ADA: variants seen among roughly 807,000 people sequenced by gnomAD.
ADA encodes adenosine deaminase, also known as adenosine aminohydrolase.
In ADA, 45 loss-of-function variants were observed where a neutral mutation model predicts 49.0. The observed-to-expected ratio is 0.92, with a 90% confidence interval of 0.72 to 1.18. The LOEUF (loss-of-function observed/expected upper bound fraction) is 1.18, where lower values mean the gene tolerates loss of function less well. ADA is among the 50% of genes most tolerant of loss of function. The probability of loss-of-function intolerance (pLI) is 0.00; values close to 1 mark genes in which losing one functional copy is unlikely to be tolerated. For missense variants in ADA, 445 were observed against 472.5 expected (o/e 0.94, Z 0.54); for synonymous variants, 173 against 184.2 (o/e 0.94, Z 0.49).
At chr20:44,633,009 C>A (rs1379941344) in intron 2 of ADA, among the ~76,000 whole-genome samples, 2 of 152,208 alleles carry the variant, frequency 1.3e-5, no homozygotes, top group East Asian at 3.8e-4. Flanking sequence ...TTAGATGATC[C>A]CTACTCCCTG....
Position 44,629,086 on chromosome 20 carries a change from T to G in ADA, c.179A>C (p.Asp60Ala), listed in dbSNP as rs760262095. 1.2e-6 allele frequency: 2 copies of G among 1,614,176 alleles called. No individual in the cohort carries two copies. Among genetic ancestry groups the G allele is most frequent in the South Asian group, 2.2e-5 (2 of 91,082 alleles). ...GTAGTAGTCAAACTTGGCCAGGAAGTCTGGAAGGGTGAGCGGCTTGTCCAT... is the reference window on the plus strand; with the variant it reads ...GTAGTAGTCAAACTTGGCCAGGAAGGCTGGAAGGGTGAGCGGCTTGTCCAT... ...IGMDKPLTLP[D>A]FLAKFDYYMP... Residue 60 changes from aspartate to alanine, a missense_variant, in exon 3 of 12, where the codon GAC becomes GCC. Coordinates refer to ENST00000372874, the MANE Select transcript of ADA (RefSeq NM_000022.4).
At chr20:44,631,819 G>A (rs1488604324) in intron 2 of ADA, among the ~76,000 whole-genome samples, 1 of 152,148 alleles carries the variant, frequency 6.6e-6, no homozygotes, top group Non-Finnish European at 1.5e-5. Flanking sequence ...GATGTGCTGG[G>A]CACTGGGCAG....
intron 1 of ADA, among the ~76,000 whole-genome samples, chr20:44,641,980 C>A (rs1048982637): frequency 1.1e-4 from 17 of 152,160 alleles, no homozygotes; most frequent in Middle Eastern, 3.4e-3. Flanking sequence ...GTTGGCCAGG[C>A]TGGTTTTGAA....
intron 1 of ADA, among the ~76,000 whole-genome samples, chr20:44,642,751 C>G (rs406383): frequency 0.18 from 27,737 of 152,010 alleles, 3,173 homozygotes; most frequent in Admixed American, 0.29. Context: ...CCAGCTACTG[C>G]GGGAGGGAAG....
At chr20:44,632,070 C>G (rs1005265388) in intron 2 of ADA, among the ~76,000 whole-genome samples, 4 of 152,182 alleles carry the variant, frequency 2.6e-5, no homozygotes, top group African/African-American at 9.7e-5. Flanking sequence ...TCTTCTCCAG[C>G]CTCCCTCCTC....
rs1315663695 is a variant in ADA at position 44,645,061 on chromosome 20, T to G, written c.33+6514A>C. ...AGCAGCACGCTCCCTGCATGCCACATAGCAAGGTGCTGGGTCACTGATGCT... is the reference window on the plus strand; with the variant it reads ...AGCAGCACGCTCCCTGCATGCCACAGAGCAAGGTGCTGGGTCACTGATGCT... On this transcript the variant is annotated intron_variant, in intron 1 of 11. Coordinates refer to ENST00000372874, the MANE Select transcript of ADA (RefSeq NM_000022.4). 2.0e-5 allele frequency among the ~76,000 whole-genome samples: 3 copies of G among 152,258 alleles called. No individual in the cohort carries two copies. In the East Asian group the frequency reaches 5.8e-4, roughly 29 times the overall value.
chr20:44,651,140 C>T (rs1216401400), intron 1 of ADA, among the ~76,000 whole-genome samples: 1 of 152,204 alleles, frequency 6.6e-6, no homozygotes, highest in South Asian at 2.1e-4. Context: ...GCGCTCACCA[C>T]CATAACGCTG....
intron 2 of ADA, among the ~76,000 whole-genome samples, chr20:44,634,248 G>C (rs1331526772): frequency 6.6e-6 from 1 of 152,248 alleles, no homozygotes; most frequent in Non-Finnish European, 1.5e-5. Flanking sequence ...TTGGCGGCTT[G>C]ACATGGGCAA....
At position 44,625,686 on chromosome 20, in the gene ADA, T is replaced by C. The variant is rs2145318314; in HGVS notation, c.363-2A>G. 6.4e-7 allele frequency: 1 copy of C among 1,557,384 alleles called. No individual in the cohort carries two copies. The highest frequency in any genetic ancestry group is 1.2e-5 in the South Asian group (1 of 84,518). ...ACCTCGTCTGGGGTGAGGTCCCCTC[T>C]GTGTGAGGAGAGGAGTAGGGATGGG... On this transcript the variant is annotated splice_acceptor_variant, in intron 4 of 11. Transcript: ENST00000372874. LOFTEE classifies it high-confidence loss of function.
intron 1 of ADA, among the ~76,000 whole-genome samples, chr20:44,640,065 G>C (rs1281381698): frequency 6.6e-6 from 1 of 152,004 alleles, no homozygotes; most frequent in Non-Finnish European, 1.5e-5. Flanking sequence ...GGGCTGAATG[G>C]TGGCCCCCAC....
At chr20:44,622,277 A>C (rs1372535896) in intron 9 of ADA, among the ~76,000 whole-genome samples, 2 of 152,224 alleles carry the variant, frequency 1.3e-5, no homozygotes, top group African/African-American at 4.8e-5. Flanking sequence ...TGCGATGCCC[A>C]GGGGGCAGAG....
At chr20:44,620,901 T>G in intron 10 of ADA, 117 bp downstream of exon 10, 2 of 1,437,780 alleles carry the variant, frequency 1.4e-6, no homozygotes, top group Non-Finnish European at 1.9e-6. Context: ...TGGGCTTGTC[T>G]TGGACTGTTG....
chr20:44,637,755 C>A (rs1233359707), intron 1 of ADA, among the ~76,000 whole-genome samples: 1 of 152,150 alleles, frequency 6.6e-6, no homozygotes, highest in Non-Finnish European at 1.5e-5. Flanking sequence ...ATCAGCAGGA[C>A]CTCAGAGTCA....
chr20:44,636,092 C>T (rs2065477417), intron 2 of ADA, 135 bp downstream of exon 2: 9 of 855,596 alleles, frequency 1.1e-5, no homozygotes, highest in Non-Finnish European at 1.2e-5. Context: ...AGTCCCACTT[C>T]TGGCCTGGAG....
At chr20:44,622,022 G>C (rs542571300) in intron 9 of ADA, among the ~76,000 whole-genome samples, 94 of 152,232 alleles carry the variant, frequency 6.2e-4, no homozygotes, top group Non-Finnish European at 1.3e-3. Flanking sequence ...GTCACCCTGA[G>C]TTCTTGCTGT....
intron 1 of ADA, among the ~76,000 whole-genome samples, chr20:44,640,881 A>G (rs563556715): frequency 7.2e-5 from 11 of 152,062 alleles, no homozygotes; most frequent in African/African-American, 2.7e-4. Context: ...CAAGCCAAGG[A>G]ATGCCTAGAG....
At chr20:44,636,515 C>T (rs1486649340) in intron 1 of ADA, among the ~76,000 whole-genome samples, 1 of 152,162 alleles carries the variant, frequency 6.6e-6, no homozygotes, top group Non-Finnish European at 1.5e-5. Flanking sequence ...CGATCTCTTT[C>T]ACAATTGAGG....
chr20:44,626,821 G>A (rs545121905), intron 3 of ADA, among the ~76,000 whole-genome samples: 4 of 152,026 alleles, frequency 2.6e-5, no homozygotes, highest in Admixed American at 6.5e-5. Context: ...CCTGAATCAC[G>A]CCATCTCTAA....
chr20:44,639,435 C>T (rs974117785), intron 1 of ADA, among the ~76,000 whole-genome samples: 3 of 151,798 alleles, frequency 2.0e-5, no homozygotes, highest in Non-Finnish European at 4.4e-5. Context: ...TTTTTTAAGA[C>T]GGAGTTTCAC....
Sources: allele counts gnomAD v4.1 joint callset (sites outside exome capture counted in the v4.1 genomes callset), GRCh38; gene constraint gnomAD v4.1.1; transcripts MANE v1.5; gene names NCBI Gene and HGNC (gene_info 2026-07-23, HGNC 2026-07-21).